CELF2: variants seen among roughly 807,000 people sequenced by gnomAD.
The protein encoded by CELF2 is CUGBP Elav-like family member 2, also known as CUG triplet repeat RNA-binding protein 2.
CELF2 carries 8 observed loss-of-function variants against 62.6 expected under a neutral mutation model. That is an observed-to-expected ratio of 0.13 (90% CI 0.07 to 0.23). CELF2 has a LOEUF of 0.23. CELF2 is among the 10% of genes least tolerant of loss of function. The probability of loss-of-function intolerance (pLI) is 1.00; values close to 1 mark genes in which losing one functional copy is unlikely to be tolerated. For synonymous variants in CELF2, 258 were observed against 250.0 expected, an observed-to-expected ratio of 1.03 and a Z score of -0.30; for missense variants, 333 against 671.0, an observed-to-expected ratio of 0.50 and a Z score of 5.56.
chr10:11,136,620 A>G (rs1403039059), intron 1 of CELF2, among the ~76,000 whole-genome samples: 2 of 152,158 alleles, frequency 1.3e-5, no homozygotes, highest in Admixed American at 1.3e-4. Flanking sequence ...TAAATAAATT[A>G]ATAGATAAAT....
intron 1 of CELF2, among the ~76,000 whole-genome samples, chr10:10,884,292 G>C (rs574940307): frequency 6.6e-6 from 1 of 152,256 alleles, no homozygotes; most frequent in South Asian, 2.1e-4. Context: ...GTATTTTCTA[G>C]AGGCTGGCTT....
the CELF2 span, among the ~76,000 whole-genome samples, chr10:10,756,637 CTT>C: frequency 6.6e-6 from 1 of 152,022 alleles, no homozygotes; most frequent in East Asian, 1.9e-4. Context: ...TAAATTAACT[CTT>C]GATAATAATG....
the CELF2 span, among the ~76,000 whole-genome samples, chr10:10,724,175 A>G: frequency 6.6e-6 from 1 of 152,206 alleles, no homozygotes; most frequent in Admixed American, 6.5e-5. Context: ...AAAACCAAAA[A>G]AATTAAAACT....
chr10:10,580,932 A>C, the CELF2 span, among the ~76,000 whole-genome samples: 2 of 152,230 alleles, frequency 1.3e-5, no homozygotes, highest in African/African-American at 4.8e-5. Flanking sequence ...GTAAGGAATG[A>C]TTTACATTTA....
At chr10:11,112,805 C>T (rs887414634) in intron 1 of CELF2, among the ~76,000 whole-genome samples, 8 of 152,234 alleles carry the variant, frequency 5.3e-5, no homozygotes, top group African/African-American at 1.9e-4. Context: ...GAAACGGAAC[C>T]ATGAGTAAAC....
upstream of CELF2, among the ~76,000 whole-genome samples, chr10:11,003,359 G>A (rs1311085116): frequency 6.6e-6 from 1 of 152,184 alleles, no homozygotes; most frequent in African/African-American, 2.4e-5. This position sits in a 1 kb window ranked among gnomAD's most constrained non-coding sequence, Gnocchi z 4.4. Context: ...CTGCATTATT[G>A]TTGTACGTTA....
At chr10:10,771,053 G>A in the CELF2 span, among the ~76,000 whole-genome samples, 9 of 152,270 alleles carry the variant, frequency 5.9e-5, no homozygotes, top group East Asian at 1.4e-3. Context: ...GGGAATAGAC[G>A]AGTGTTCTTC....
intron 2 of CELF2, among the ~76,000 whole-genome samples, chr10:10,929,974 G>A (rs2065906100): frequency 6.6e-6 from 1 of 152,202 alleles, no homozygotes; most frequent in Non-Finnish European, 1.5e-5. Flanking sequence ...TCACTTAAAG[G>A]AAGTATATAT....
chr10:10,482,291 A>G, the CELF2 span, among the ~76,000 whole-genome samples: 6 of 152,216 alleles, frequency 3.9e-5, no homozygotes, highest in Non-Finnish European at 7.3e-5. Context: ...TATAGAGTGT[A>G]TGTTTTGCTT....
the CELF2 span, among the ~76,000 whole-genome samples, chr10:10,489,016 G>C: frequency 6.6e-6 from 1 of 152,052 alleles, no homozygotes; most frequent in African/African-American, 2.4e-5. Context: ...CAAGGCTATG[G>C]AGAATCTTCC....
intron 2 of CELF2, among the ~76,000 whole-genome samples, chr10:10,971,005 T>C (rs1334634560): frequency 6.6e-6 from 1 of 152,202 alleles, no homozygotes; most frequent in Non-Finnish European, 1.5e-5. Context: ...AGTATTATAA[T>C]AGCTAAAAGT....
At chr10:11,069,625 G>GT (rs1225672070) in intron 1 of CELF2, among the ~76,000 whole-genome samples, 1 of 152,172 alleles carries the variant, frequency 6.6e-6, no homozygotes, top group African/African-American at 2.4e-5. Context: ...ACTTCATATG[G>GT]TTTTTATAAG....
chr10:10,868,353 G>C (rs559853813), intron 1 of CELF2, among the ~76,000 whole-genome samples: 1 of 152,176 alleles, frequency 6.6e-6, no homozygotes, highest in Non-Finnish European at 1.5e-5. Context: ...CTTGTGACTC[G>C]AATACCTACA....
intron 2 of CELF2, among the ~76,000 whole-genome samples, chr10:10,943,599 TTTTGTTTG>T (rs201482435): frequency 1.3e-5 from 2 of 152,032 alleles, no homozygotes; most frequent in African/African-American, 4.8e-5. Context: ...CTTTTCTGTT[TTTTGTTTG>T]TTTGTTTGTT....
At chr10:10,736,165 A>AT in the CELF2 span, among the ~76,000 whole-genome samples, 1 of 152,332 alleles carries the variant, frequency 6.6e-6, no homozygotes, top group Middle Eastern at 3.4e-3. Flanking sequence ...AAAACAAGAT[A>AT]CAAACCCTGA....
intron 2 of CELF2, among the ~76,000 whole-genome samples, chr10:10,973,156 G>A (rs2050937594): frequency 6.6e-6 from 1 of 152,032 alleles, no homozygotes; most frequent in Middle Eastern, 3.4e-3. Flanking sequence ...CAGTCTTGGT[G>A]GCGTGCACCT....
chr10:10,993,885 A>G lies in CELF2; in HGVS notation c.89+73886A>G, dbSNP rs1353726622. Among the ~76,000 whole-genome samples, 3 of 152,228 alleles carry G rather than the reference A, an allele frequency of 2.0e-5. No individual in the cohort carries two copies. Among genetic ancestry groups the G allele is most frequent in the Non-Finnish European group, 4.4e-5 (3 of 68,038 alleles). On this transcript the variant is annotated intron_variant, in intron 2 of 13. Coordinates refer to the CELF2 transcript ENST00000636488. This position sits in a 1 kb window ranked among gnomAD's most constrained non-coding sequence, Gnocchi z 5.3. Reference sequence around the variant, plus strand: ...CATAGGTGTGGGGCCCCAATCCAGTAGGACTAGTATCCTTATCAGAAAAAA... The same window carrying G: ...CATAGGTGTGGGGCCCCAATCCAGTGGGACTAGTATCCTTATCAGAAAAAA...
intron 1 of CELF2, among the ~76,000 whole-genome samples, chr10:10,859,948 T>C (rs1466888339): frequency 6.6e-6 from 1 of 152,072 alleles, no homozygotes; most frequent in Non-Finnish European, 1.5e-5. Context: ...TATCAAAGAG[T>C]GTTTGTTTGT....
chr10:10,603,024 T>C, the CELF2 span, among the ~76,000 whole-genome samples: 1 of 152,138 alleles, frequency 6.6e-6, no homozygotes, highest in Admixed American at 6.5e-5. Flanking sequence ...TAGAAACATT[T>C]TGGATTTCAT....
Sources: gnomAD v4.1 joint callset for allele counts (sites outside exome capture counted in the v4.1 genomes callset) on GRCh38, gnomAD v4.1.1 for gene constraint, Gnocchi (gnomAD v3.1) non-coding constraint, MANE v1.5 for transcripts, NCBI Gene and HGNC (gene_info 2026-07-23, HGNC 2026-07-21) for gene names.